Variants in DENND1B observed in about 807,000 individuals in gnomAD.
The protein encoded by DENND1B is DENN domain-containing protein 1B.
Under a neutral mutation model 90.1 loss-of-function variants are expected in DENND1B, and 59 were observed. That is an observed-to-expected ratio of 0.65 (90% CI 0.53 to 0.81). The LOEUF (loss-of-function observed/expected upper bound fraction) is 0.81, where lower values mean the gene tolerates loss of function less well. Ranked by LOEUF, DENND1B falls within the 40% of genes least tolerant of loss-of-function variation. The pLI, the probability that DENND1B is intolerant of heterozygous loss-of-function variation, is 0.00. For missense variants in DENND1B, 862 were observed against 912.6 expected, an observed-to-expected ratio of 0.94 and a Z score of 0.71; for synonymous variants, 337 against 324.6, an observed-to-expected ratio of 1.04 and a Z score of -0.41.
intron 15 of DENND1B, among the ~76,000 whole-genome samples, chr1:197,578,073 A>G (rs1673848712): frequency 6.6e-6 from 1 of 152,218 alleles, no homozygotes; most frequent in African/African-American, 2.4e-5. Flanking sequence ...GTTGACTGAA[A>G]GAAGGAGTGT....
chr1:197,641,310 G>A (rs1680250799), intron 10 of DENND1B, among the ~76,000 whole-genome samples: 1 of 152,046 alleles, frequency 6.6e-6, no homozygotes, highest in Admixed American at 6.6e-5. Context: ...AGGAGGAGGA[G>A]CTGGGGAGAA....
chr1:197,723,352 C>G (rs561337886), intron 2 of DENND1B, among the ~76,000 whole-genome samples: 1 of 152,054 alleles, frequency 6.6e-6, no homozygotes, highest in Middle Eastern at 3.2e-3. Context: ...TTCTTTTCTT[C>G]GCACTCCTCT....
chr1:197,640,840 C>T (rs944839060), intron 10 of DENND1B, among the ~76,000 whole-genome samples: 1 of 152,152 alleles, frequency 6.6e-6, no homozygotes, highest in African/African-American at 2.4e-5. Context: ...GGCACAGCGG[C>T]GTGTGCCTAT....
At chr1:197,745,417 T>C (rs1049472059) in intron 2 of DENND1B, among the ~76,000 whole-genome samples, 3 of 152,208 alleles carry the variant, frequency 2.0e-5, no homozygotes, top group East Asian at 1.9e-4. Context: ...TTCAATGTTG[T>C]TGTGTCTCAG....
At chr1:197,616,917 C>T (rs184476388) in intron 11 of DENND1B, among the ~76,000 whole-genome samples, 1 of 151,120 alleles carries the variant, frequency 6.6e-6, no homozygotes, top group Admixed American at 6.6e-5. Context: ...AACATTTCCC[C>T]CCCTAGTCTT....
rs536444238 is a variant in DENND1B, at chr1:197,681,152, T to C, written c.127-6983A>G. Among the ~76,000 whole-genome samples the C allele has an allele frequency of 3.3e-5, 5 of 152,274 alleles. No homozygotes were observed. In the South Asian group the frequency reaches 8.3e-4, roughly 25 times the overall value. On this transcript the variant is annotated intron_variant, in intron 3 of 22. Transcript: ENST00000620048. ...AGATATAATATGATGAAAAGCATTA[T>C]ACTGAATAACTTATCTGCTCTTTTG...
intron 6 of DENND1B, among the ~76,000 whole-genome samples, chr1:197,656,220 C>G (rs1390234814): frequency 1.3e-5 from 2 of 151,302 alleles, no homozygotes; most frequent in African/African-American, 2.4e-5. Context: ...AAAAGAGAAC[C>G]AAGAATATAA....
At chr1:197,609,007 T>G (rs1236316467) in intron 12 of DENND1B, among the ~76,000 whole-genome samples, 1 of 150,334 alleles carries the variant, frequency 6.7e-6, no homozygotes, top group African/African-American at 2.4e-5. Context: ...AGTATCACTA[T>G]TTCATCTATT....
At chr1:197,751,416 A>G (rs373883646) in intron 2 of DENND1B, among the ~76,000 whole-genome samples, 1 of 152,222 alleles carries the variant, frequency 6.6e-6, no homozygotes, top group African/African-American at 2.4e-5. Context: ...AATTTGTAGG[A>G]CACAGCTAAA....
In DENND1B at chr1:197,668,749, C is replaced by T. The variant is rs183799515; in HGVS notation, c.296+3288G>A. Among the ~76,000 whole-genome samples, 21 of 152,004 alleles carry T rather than the reference C, an allele frequency of 1.4e-4. No homozygotes were observed. The East Asian group carries it at 3.7e-3, about 27-fold the overall frequency. On this transcript the variant is annotated intron_variant, in intron 5 of 22. Transcript: ENST00000620048. The stretch of plus-strand genomic sequence containing the variant: ...ACCTTTGTTCATACTTTTCTCCTCA[C>T]TCTTAGAAATAATCCTGGATTTAAA...
At chr1:197,612,346 C>T (rs961979540) in intron 11 of DENND1B, among the ~76,000 whole-genome samples, 2 of 150,496 alleles carry the variant, frequency 1.3e-5, no homozygotes, top group African/African-American at 4.9e-5. Context: ...AAATAATCAT[C>T]AAATTTATTA....
intron 16 of DENND1B, among the ~76,000 whole-genome samples, chr1:197,548,960 C>T (rs894093757): frequency 3.9e-5 from 6 of 151,998 alleles, no homozygotes; most frequent in African/African-American, 1.4e-4. Context: ...AATTTTACTG[C>T]TTTTATGATT....
At chr1:197,734,748 C>T in intron 2 of DENND1B, 1 of 983,208 alleles carries the variant, frequency 1.0e-6, no homozygotes, top group Non-Finnish European at 1.2e-6. Context: ...GTTACATACT[C>T]CATAGAGTAA....
chr1:197,592,048 G>C (rs1457125032), intron 14 of DENND1B, among the ~76,000 whole-genome samples: 2 of 136,750 alleles, frequency 1.5e-5, no homozygotes, highest in Non-Finnish European at 3.0e-5. Context: ...GGTGGAGCTT[G>C]CAGCGAGCTG....
intron 2 of DENND1B, among the ~76,000 whole-genome samples, chr1:197,728,745 C>A (rs1413243712): frequency 6.6e-6 from 1 of 152,098 alleles, no homozygotes; most frequent in Non-Finnish European, 1.5e-5. Flanking sequence ...TCTTATTATT[C>A]CTCCCTTCAC....
rs76348798 is a variant in DENND1B at position 197,582,716 on chromosome 1, A to G, written c.1149+436T>C. Among the ~76,000 whole-genome samples the G allele has an allele frequency of 9.2e-5, 14 of 152,294 alleles. No homozygotes were observed. In the East Asian group the frequency reaches 2.5e-3, roughly 27 times the overall value. On this transcript the variant is annotated intron_variant, in intron 15 of 22. Coordinates refer to ENST00000620048, the MANE Select transcript of DENND1B (RefSeq NM_001195215.2). ...ATTAATTCTGAATGTATGAGTATTA[A>G]AAAGTCTTACAAAGCTTAAAAAGTT...
intron 14 of DENND1B, among the ~76,000 whole-genome samples, chr1:197,594,498 T>C (rs1675513837): frequency 6.6e-6 from 1 of 152,196 alleles, no homozygotes; most frequent in Admixed American, 6.5e-5. Context: ...ACTAAATCAA[T>C]GGTTTTATCT....
intron 13 of DENND1B, among the ~76,000 whole-genome samples, chr1:197,602,501 A>G (rs1676298916): frequency 6.6e-6 from 1 of 151,544 alleles, no homozygotes; most frequent in African/African-American, 2.4e-5. Context: ...GAAATTTGTT[A>G]GGGACTTCAT....
chr1:197,577,699 G>A (rs982546008), intron 15 of DENND1B, among the ~76,000 whole-genome samples: 5 of 152,130 alleles, frequency 3.3e-5, no homozygotes, highest in Admixed American at 2.0e-4. Context: ...AAAGAAAGAC[G>A]GTAATGTCAG....
Sources: gnomAD v4.1 joint callset for allele counts (sites outside exome capture counted in the v4.1 genomes callset) on GRCh38, gnomAD v4.1.1 for gene constraint, MANE v1.5 for transcripts, NCBI Gene and HGNC (gene_info 2026-07-23, HGNC 2026-07-21) for gene names.